The following CALM2 variants were observed in gnomAD, a reference collection of about 807,000 sequenced individuals.
CALM2 encodes calmodulin-2.
CALM2 carries 2 observed loss-of-function variants against 19.8 expected under a neutral mutation model. The ratio of observed to expected loss-of-function variants is 0.10; its 90% CI spans 0.04 to 0.32. CALM2 has a LOEUF of 0.32. Among genes scored for constraint, CALM2 ranks in the 10% least tolerant of loss-of-function variants. CALM2 has a pLI of 1.00. For synonymous variants in CALM2, 51 were observed against 52.1 expected, an observed-to-expected ratio of 0.98 and a Z score of 0.09; for missense variants, 38 against 178.7, an observed-to-expected ratio of 0.21 and a Z score of 4.49.
intron 2 of CALM2, among the ~76,000 whole-genome samples, chr2:47,168,962 G>A (rs530692264): frequency 6.6e-6 from 1 of 152,222 alleles, no homozygotes; most frequent in African/African-American, 2.4e-5. Flanking sequence ...ATTTTTAGGA[G>A]AGATGGGGTT....
chr2:47,166,698 G>C (rs758292153), intron 2 of CALM2, among the ~76,000 whole-genome samples: 59 of 152,102 alleles, frequency 3.9e-4, no homozygotes, highest in Admixed American at 8.5e-4. Flanking sequence ...TGCCTTTACA[G>C]TTTTCCTGTA....
At chr2:47,169,200 C>T (rs941366753) in intron 2 of CALM2, among the ~76,000 whole-genome samples, 1 of 152,100 alleles carries the variant, frequency 6.6e-6, no homozygotes. Flanking sequence ...CTGTACCTGA[C>T]TGGGAATATT....
chr2:47,161,557 C>G (rs1030819981), intron 5 of CALM2, among the ~76,000 whole-genome samples, 166 bp downstream of exon 5: 4 of 152,144 alleles, frequency 2.6e-5, no homozygotes, highest in Non-Finnish European at 5.9e-5. Context: ...GCAATGTTAC[C>G]TAGTCTGCAG....
chr2:47,169,786 A>T lies in CALM2; in HGVS notation c.34+948T>A, dbSNP rs6723302. Among the ~76,000 whole-genome samples, 1,426 of 152,268 alleles carry T rather than the reference A, an allele frequency of 9.4e-3. 21 individuals are homozygous for T. Among genetic ancestry groups the T allele is most frequent in the African/African-American group, 0.033 (1,366 of 41,558 alleles). ...TGCTTTAAATGGGCTATATAGTTCC[A>T]ACTGGGCTTCTCAGTTTTCTCCAGC... is the stretch of plus-strand genomic sequence containing the variant. On this transcript the variant is annotated intron_variant, in intron 2 of 5. Transcript: ENST00000272298.
intron 2 of CALM2, among the ~76,000 whole-genome samples, chr2:47,166,381 CCTTT>C (rs1247914062): frequency 6.6e-6 from 1 of 152,168 alleles, no homozygotes; most frequent in African/African-American, 2.4e-5. Context: ...GCAGTAATCA[CCTTT>C]CTATTACATG....
chr2:47,173,960 TA>T (rs1188436736), intron 1 of CALM2: 2 of 152,234 alleles, frequency 1.3e-5, no homozygotes, highest in Non-Finnish European at 2.9e-5. Context: ...ACTAAAGGCC[TA>T]AATTCTAGCT....
rs536849090 is a variant in CALM2 at position 47,176,130 on chromosome 2, C to G, written c.3+311G>C. On this transcript the variant is annotated intron_variant, in intron 1 of 5. Coordinates refer to ENST00000272298, the MANE Select transcript of CALM2 (RefSeq NM_001743.6). ...CTCTCTCCCTTCCTTCACTTTCTCT[C>G]CTTCCCGTGCACTGGGCTGTCCCTC... 1.3e-5 allele frequency: 5 copies of G among 395,170 alleles called. No homozygotes were observed. The East Asian group carries it at 1.9e-4, about 15-fold the overall frequency. The allele number at this position is 395,170 out of a possible 1,614,324, so 24.5% of individuals were successfully genotyped here. A position where few individuals can be genotyped will look rare whatever the true frequency, so the allele number is the denominator to read the frequency against.
chr2:47,171,701 T>C (rs1213566913), intron 1 of CALM2: 1 of 152,174 alleles, frequency 6.6e-6, no homozygotes, highest in African/African-American at 2.4e-5. Context: ...TTATGGGGTA[T>C]TGAGAAGCAC....
chr2:47,175,686 C>T (rs528465070), intron 1 of CALM2, among the ~76,000 whole-genome samples: 207 of 151,118 alleles, frequency 1.4e-3, no homozygotes, highest in Non-Finnish European at 2.0e-3. Context: ...AGGCCCCCCT[C>T]CCCCGCCCAT....
intron 1 of CALM2, chr2:47,172,913 T>C (rs1163081196): frequency 6.6e-6 from 1 of 151,908 alleles, no homozygotes; most frequent in East Asian, 1.9e-4. Flanking sequence ...GGAACCACTG[T>C]CCAATTTTGC....
At chr2:47,176,598 C>A, upstream of CALM2, 2 of 1,536,594 alleles carry the variant, frequency 1.3e-6, no homozygotes, top group Non-Finnish European at 8.8e-7. Flanking sequence ...ACATCGCAAA[C>A]GAGTCCCGGC....
intron 1 of CALM2, 181 bp from the exon 2 acceptor site, chr2:47,170,945 TAAC>T (rs1558699710): frequency 3.3e-6 from 2 of 597,344 alleles, no homozygotes. Context: ...TAAGCTGTCT[TAAC>T]TCCAAGTTTA....
Position 47,172,276 on chromosome 2 carries a change from G to A in CALM2, c.4-1512C>T, listed in dbSNP as rs34990437. The A allele has an allele frequency of 0.067, 21,829 of 323,872 alleles. 948 individuals carry two copies. Among genetic ancestry groups the A allele is most frequent in the Middle Eastern group, 0.12 (302 of 2,452 alleles). 20.1% of individuals were successfully genotyped at this position (323,872 alleles called of 1,614,324 possible). The stretch of plus-strand genomic sequence containing the variant: ...TGAAAGGAAGGGCAACCTGGCATGC[G>A]TGGCGTGGGGGGAAAGCATCAAGTT... On this transcript the variant is annotated intron_variant, in intron 1 of 5. Coordinates refer to ENST00000272298, the MANE Select transcript of CALM2 (RefSeq NM_001743.6).
chr2:47,162,182 A>G lies in CALM2; in HGVS notation c.285+104T>C. 9.6e-6 allele frequency: 4 copies of G among 417,882 alleles called. No homozygotes were observed. In the South Asian group the frequency reaches 1.1e-4, roughly 12 times the overall value. 25.9% of individuals were successfully genotyped at this position (417,882 alleles called of 1,614,324 possible). The stretch of plus-strand genomic sequence containing the variant: ...TGTTGGTAAATCATCAAAAAAAAAA[A>G]AAAAAAAAAAAAAAAAAACAACCAA... On this transcript the variant is annotated intron_variant, in intron 4 of 5. Coordinates refer to ENST00000272298, the MANE Select transcript of CALM2 (RefSeq NM_001743.6).
chr2:47,174,399 C>T (rs536318481), intron 1 of CALM2, among the ~76,000 whole-genome samples: 1 of 152,140 alleles, frequency 6.6e-6, no homozygotes, highest in South Asian at 2.1e-4. Flanking sequence ...ACTACACGCA[C>T]AGGCCATTAT....
chr2:47,164,519 C>A (rs1169119620), intron 2 of CALM2, among the ~76,000 whole-genome samples: 1 of 151,708 alleles, frequency 6.6e-6, no homozygotes. Context: ...ACTGCTTGAA[C>A]CCGAGAGGCG....
Position 47,168,986 on chromosome 2 carries a change from C to T in CALM2, c.34+1748G>A, listed in dbSNP as rs189504168. On this transcript the variant is annotated intron_variant, in intron 2 of 5. Transcript: ENST00000272298. ...AGAGATGGGGTTTCACCACGTTGGC[C>T]AGGCTGGTCATGAACTCCTGACCTC... Among the ~76,000 whole-genome samples the T allele has an allele frequency of 2.4e-3, 359 of 152,256 alleles. 4 individuals carry two copies. In the South Asian group the frequency reaches 0.024, roughly 10 times the overall value.
intron 2 of CALM2, among the ~76,000 whole-genome samples, chr2:47,169,298 A>G (rs1334853431): frequency 6.6e-6 from 1 of 152,176 alleles, no homozygotes; most frequent in Non-Finnish European, 1.5e-5. Context: ...ATATTTATAA[A>G]AAAAACTACT....
At chr2:47,165,980 A>G (rs1217655030) in intron 2 of CALM2, among the ~76,000 whole-genome samples, 1 of 152,190 alleles carries the variant, frequency 6.6e-6, no homozygotes, top group Non-Finnish European at 1.5e-5. Flanking sequence ...GGCTATTACA[A>G]TTGCCTCCTA....
Sources: allele counts gnomAD v4.1 joint callset (sites outside exome capture counted in the v4.1 genomes callset), GRCh38; gene constraint gnomAD v4.1.1; transcripts MANE v1.5; gene names NCBI Gene and HGNC (gene_info 2026-07-23, HGNC 2026-07-21).